The following ACOT7 variants were observed in gnomAD, a reference collection of about 807,000 sequenced individuals.
The protein encoded by ACOT7 is acyl-CoA thioesterase 7.
A neutral mutation model predicts 40.2 loss-of-function variants in ACOT7; 12 were observed. The observed-to-expected ratio is 0.30, with a 90% CI of 0.19 to 0.48. The LOEUF (loss-of-function observed/expected upper bound fraction) is 0.48, where lower values mean the gene tolerates loss of function less well. Ranked by LOEUF, ACOT7 falls within the 20% of genes least tolerant of loss-of-function variation. ACOT7 has a pLI of 0.99. For synonymous variants in ACOT7, 228 were observed against 219.5 expected, an observed-to-expected ratio of 1.04 and a Z score of -0.34; for missense variants, 395 against 530.8, an observed-to-expected ratio of 0.74 and a Z score of 2.51.
At chr1:6,349,352 G>A (rs944811400) in intron 2 of ACOT7, among the ~76,000 whole-genome samples, 2 of 152,198 alleles carry the variant, frequency 1.3e-5, no homozygotes, top group Non-Finnish European at 2.9e-5. Context: ...GGGTTGGTCA[G>A]GGCAGAGGTG....
At chr1:6,391,201 C>T (rs1216033647) in intron 1 of ACOT7, among the ~76,000 whole-genome samples, 1 of 151,530 alleles carries the variant, frequency 6.6e-6, no homozygotes, top group Non-Finnish European at 1.5e-5. Context: ...GAGGCTGAGG[C>T]ACAAGAACTT....
chr1:6,352,453 C>A lies in ACOT7; in HGVS notation c.144-2587G>T, dbSNP rs532123493. Reference sequence around the variant, plus strand: ...AAACAGCTCTGTCACTCTCTCAGGCCCCGCCCCATGGCCTGGCCAAGGCCA... The same window carrying A: ...AAACAGCTCTGTCACTCTCTCAGGCACCGCCCCATGGCCTGGCCAAGGCCA... On this transcript the variant is annotated intron_variant, in intron 1 of 8. Coordinates refer to ENST00000361521, the MANE Select transcript of ACOT7 (RefSeq NM_007274.4). This position sits in a 1 kb window ranked among gnomAD's most constrained non-coding sequence, Gnocchi z 4.5. Among the ~76,000 whole-genome samples, 55 of 152,352 alleles carry A rather than the reference C, an allele frequency of 3.6e-4. No homozygotes were observed. The highest frequency in any genetic ancestry group is 4.0e-4 in the Non-Finnish European group (27 of 68,034).
chr1:6,328,684 AAAAT>A (rs889310375), intron 4 of ACOT7, among the ~76,000 whole-genome samples: 5 of 152,194 alleles, frequency 3.3e-5, no homozygotes, highest in Non-Finnish European at 4.4e-5. Flanking sequence ...TCCGTCTAAA[AAAAT>A]AAATAAATAA....
At chr1:6,276,791 C>T (rs1180024661) in intron 8 of ACOT7, among the ~76,000 whole-genome samples, 1 of 152,206 alleles carries the variant, frequency 6.6e-6, no homozygotes, top group Non-Finnish European at 1.5e-5. Context: ...TCAACATCAA[C>T]ATTGACATCC....
At position 6,268,416 on chromosome 1, in the gene ACOT7, G is replaced by T. The variant is rs117744749; in HGVS notation, c.1015-3721C>A. 1.1e-3 allele frequency among the ~76,000 whole-genome samples: 166 copies of T among 152,284 alleles called. 3 individuals carry two copies. In the East Asian group the frequency reaches 0.031, roughly 28 times the overall value. On this transcript the variant is annotated intron_variant, in intron 8 of 8. Coordinates refer to ENST00000361521, the MANE Select transcript of ACOT7 (RefSeq NM_007274.4). ...TTTCTATAATTAAAAAGCTAGAAAA[G>T]CAAAAAACTAACTAGACCTAGATCT... is the stretch of plus-strand genomic sequence containing the variant.
At chr1:6,266,716 G>A (rs1638862847) in intron 8 of ACOT7, among the ~76,000 whole-genome samples, 1 of 152,290 alleles carries the variant, frequency 6.6e-6, no homozygotes, top group Admixed American at 6.5e-5. Context: ...GAGGGAAGCT[G>A]CAGCTTCTTG....
At position 6,282,041 on chromosome 1, in the gene ACOT7, C is replaced by T. The variant is rs1459308739; in HGVS notation, c.830-755G>A. ...AAGTCCAAAGTCACCAGTTCCCATA[C>T]ATTGTTCCCATGTCCCTCTCTCCCC... On this transcript the variant is annotated intron_variant, in intron 7 of 8. Coordinates refer to ENST00000361521, the MANE Select transcript of ACOT7 (RefSeq NM_007274.4). This position sits in a 1 kb window ranked among gnomAD's most constrained non-coding sequence, Gnocchi z 4.5. 2.7e-5 allele frequency among the ~76,000 whole-genome samples: 4 copies of T among 150,526 alleles called. No homozygotes were observed. Among genetic ancestry groups the T allele is most frequent in the Non-Finnish European group, 4.4e-5 (3 of 67,970 alleles).
At chr1:6,300,559 C>A (rs936619713) in intron 6 of ACOT7, among the ~76,000 whole-genome samples, 8 of 148,858 alleles carry the variant, frequency 5.4e-5, no homozygotes, top group Non-Finnish European at 8.9e-5. Context: ...CGGACCCCAC[C>A]CGATCCTGAT....
At chr1:6,385,772 T>C in intron 1 of ACOT7, 5 of 1,446,944 alleles carry the variant, frequency 3.5e-6, no homozygotes, top group Non-Finnish European at 4.5e-6. Context: ...GTGTGATCCC[T>C]CCCTGATAGA....
chr1:6,377,772 C>T (rs757731019), intron 1 of ACOT7, among the ~76,000 whole-genome samples: 2 of 152,146 alleles, frequency 1.3e-5, no homozygotes, highest in Non-Finnish European at 2.9e-5. Context: ...CAAAGTTTGG[C>T]ACTTACTGTA....
chr1:6,306,770 G>A lies in ACOT7; in HGVS notation c.712+11722C>T, dbSNP rs1195847360. 7.8e-7 allele frequency: 1 copy of A among 1,280,764 alleles called. No individual in the cohort carries two copies. Among genetic ancestry groups the A allele is most frequent in the African/African-American group, 1.5e-5 (1 of 65,678 alleles). 79.3% of individuals were successfully genotyped at this position (1,280,764 alleles called of 1,614,324 possible). ...TTCCTTCCTTGCCCCAACACTGAGG[G>A]TCTGGTGTGTTGTGTCCCACGTAGC... On this transcript the variant is annotated intron_variant, in intron 6 of 8. Transcript: ENST00000361521. The surrounding 1 kb of genome is among the most constrained non-coding windows in gnomAD (Gnocchi z 4.3).
intron 6 of ACOT7, among the ~76,000 whole-genome samples, chr1:6,308,690 A>T (rs1640242473): frequency 6.6e-6 from 1 of 151,860 alleles, no homozygotes; most frequent in Admixed American, 6.6e-5. Context: ...ACGACCAGGC[A>T]GAGGGAACAG....
chr1:6,386,191 G>C (rs1210315890), intron 1 of ACOT7, among the ~76,000 whole-genome samples: 1 of 152,248 alleles, frequency 6.6e-6, no homozygotes, highest in Non-Finnish European at 1.5e-5. Context: ...CACGGCAGGT[G>C]CCTGGCCCTC....
intron 5 of ACOT7, among the ~76,000 whole-genome samples, chr1:6,324,648 A>T (rs1188252087): frequency 1.8e-4 from 28 of 152,144 alleles, no homozygotes; most frequent in Admixed American, 1.7e-3. Flanking sequence ...AGCTCTCTCC[A>T]GAAACCGCTC....
intron 5 of ACOT7, among the ~76,000 whole-genome samples, chr1:6,321,232 T>A (rs1640636629): frequency 6.6e-6 from 1 of 152,220 alleles, no homozygotes; most frequent in Non-Finnish European, 1.5e-5. Flanking sequence ...ACCTCCTGCT[T>A]GTCTAGGTTT....
Position 6,282,838 on chromosome 1 carries a change from A to G in ACOT7, c.830-1552T>C. The G allele has an allele frequency of 7.8e-7, 1 of 1,288,442 alleles. No homozygotes were observed. The highest frequency in any genetic ancestry group is 1.0e-6 in the Non-Finnish European group (1 of 974,616). The allele number at this position is 1,288,442 out of a possible 1,614,324, so 79.8% of individuals were successfully genotyped here. A position where few individuals can be genotyped will look rare whatever the true frequency, so the allele number is the denominator to read the frequency against. ...CCCATGCAAAGCGCCCGCAGTCACA[A>G]GACGCACCCCGGGAGGAGGGCAGGC... On this transcript the variant is annotated intron_variant, in intron 7 of 8. Coordinates refer to ENST00000361521, the MANE Select transcript of ACOT7 (RefSeq NM_007274.4). This position sits in a 1 kb window ranked among gnomAD's most constrained non-coding sequence, Gnocchi z 4.5.
intron 6 of ACOT7, among the ~76,000 whole-genome samples, chr1:6,297,516 G>C (rs981178845): frequency 2.6e-5 from 4 of 152,176 alleles, no homozygotes; most frequent in African/African-American, 9.7e-5. Flanking sequence ...GGCCAGCCAG[G>C]GCCCCCTGCT....
At chr1:6,264,731 C>T (rs367593933) in intron 8 of ACOT7, 36 bp from the exon 9 acceptor site, 6 of 1,603,914 alleles carry the variant, frequency 3.7e-6, no homozygotes, top group East Asian at 2.2e-5. Context: ...AGGTTAGGGT[C>T]ACTGCAGAAC....
At chr1:6,356,832 T>C (rs7512957) in intron 1 of ACOT7, among the ~76,000 whole-genome samples, 12,036 of 151,632 alleles carry the variant, frequency 0.079, 531 homozygotes, top group Non-Finnish European at 0.097. Context: ...GGCAGGAGAA[T>C]TGTTTGAACC....
Sources: gnomAD v4.1 joint callset for allele counts (sites outside exome capture counted in the v4.1 genomes callset) on GRCh38, gnomAD v4.1.1 for gene constraint, Gnocchi (gnomAD v3.1) non-coding constraint, MANE v1.5 for transcripts, NCBI Gene and HGNC (gene_info 2026-07-23, HGNC 2026-07-21) for gene names.